The following RAD51B variants were observed in gnomAD, a reference collection of about 807,000 sequenced individuals.
RAD51B encodes DNA repair protein RAD51 homolog 2.
RAD51B carries 38 observed loss-of-function variants against 42.2 expected under a neutral mutation model. That is an observed-to-expected ratio of 0.90 (90% confidence interval 0.70 to 1.18). The LOEUF (loss-of-function observed/expected upper bound fraction) is 1.18. Among genes scored for constraint, RAD51B ranks in the 50% most tolerant of loss-of-function variants. The pLI, the probability that RAD51B is intolerant of heterozygous loss-of-function variation, is 0.00. For missense variants in RAD51B, 373 were observed against 400.7 expected, an observed-to-expected ratio of 0.93 and a Z score of 0.59; for synonymous variants, 154 against 145.2, an observed-to-expected ratio of 1.06 and a Z score of -0.43.
At chr14:68,428,919 C>T (rs1240612616) in intron 9 of RAD51B, among the ~76,000 whole-genome samples, 23 of 149,736 alleles carry the variant, frequency 1.5e-4, no homozygotes, top group South Asian at 2.1e-4. Flanking sequence ...CCCCACCCCA[C>T]GACAGGCCCC....
chr14:68,104,834 G>A (rs193192335), intron 7 of RAD51B, among the ~76,000 whole-genome samples: 1 of 152,264 alleles, frequency 6.6e-6, no homozygotes, highest in East Asian at 1.9e-4. Context: ...GCAGGGTACA[G>A]GTTGGGGCTT....
At chr14:68,574,675 A>G (rs1040614924) in intron 10 of RAD51B, among the ~76,000 whole-genome samples, 1 of 152,242 alleles carries the variant, frequency 6.6e-6, no homozygotes, top group African/African-American at 2.4e-5. Flanking sequence ...GTATTACTGC[A>G]ACAGCCCCGT....
chr14:67,870,958 G>A (rs907750299), intron 5 of RAD51B, among the ~76,000 whole-genome samples: 4 of 148,622 alleles, frequency 2.7e-5, no homozygotes, highest in African/African-American at 1.0e-4. Flanking sequence ...GAAATTTATA[G>A]CACTAAATGC....
intron 9 of RAD51B, among the ~76,000 whole-genome samples, chr14:68,459,155 A>C (rs2085778412): frequency 6.6e-6 from 1 of 152,180 alleles, no homozygotes; most frequent in Non-Finnish European, 1.5e-5. Flanking sequence ...GCCTCATTCC[A>C]GTCACAGATC....
chr14:68,273,748 G>A (rs2081166972), intron 7 of RAD51B, among the ~76,000 whole-genome samples: 1 of 152,024 alleles, frequency 6.6e-6, no homozygotes, highest in Non-Finnish European at 1.5e-5. Flanking sequence ...GTATAGTGGT[G>A]CAATTATAGC....
chr14:68,411,456 C>T lies in RAD51B; in HGVS notation c.886C>T (p.Leu296=). ...TSGSSCVIAA[L]GNTWSHSVNT... is the part of the protein sequence containing the mutation. ...TGGATCCAGCTGTGTGATAGCCGCA[C>T]TAGGAAATACCTGGAGTCACAGTGT... is the stretch of plus-strand genomic sequence containing the variant. Residue 296 remains leucine, a synonymous_variant, in exon 9 of 11, where the codon CTA becomes TTA. Coordinates refer to ENST00000471583, the MANE Select transcript of RAD51B (RefSeq NM_133510.4). The T allele has an allele frequency of 1.9e-6, 3 of 1,614,112 alleles. No individual in the cohort carries two copies. Among genetic ancestry groups the T allele is most frequent in the South Asian group, 1.1e-5 (1 of 91,084 alleles).
chr14:68,455,578 G>A (rs918320227), intron 9 of RAD51B, among the ~76,000 whole-genome samples: 3 of 152,084 alleles, frequency 2.0e-5, no homozygotes, highest in Non-Finnish European at 4.4e-5. Context: ...AAATTAGCCA[G>A]ACGTGGTGGC....
chr14:68,027,444 C>A (rs151154869), intron 7 of RAD51B, among the ~76,000 whole-genome samples: 1 of 152,226 alleles, frequency 6.6e-6, no homozygotes, highest in African/African-American at 2.4e-5. Context: ...AAGTTGCTTA[C>A]TCTCTTTTTT....
chr14:67,918,945 C>T (rs2044239852), intron 7 of RAD51B, among the ~76,000 whole-genome samples: 1 of 152,078 alleles, frequency 6.6e-6, no homozygotes, highest in African/African-American at 2.4e-5. Flanking sequence ...GGCATGAAAT[C>T]TAGGAAAATG....
chr14:68,137,193 A>G (rs1279312543), intron 7 of RAD51B, among the ~76,000 whole-genome samples: 3 of 152,022 alleles, frequency 2.0e-5, no homozygotes, highest in Non-Finnish European at 2.9e-5. Context: ...GGAGAATCAC[A>G]TGAACCCGGG....
chr14:68,263,963 C>T (rs1407372742), intron 7 of RAD51B, among the ~76,000 whole-genome samples: 1 of 152,230 alleles, frequency 6.6e-6, no homozygotes, highest in East Asian at 1.9e-4. Context: ...TGGTGCTTGT[C>T]TTCTAACTGC....
At chr14:68,678,103 A>T (rs1893351168) in intron 11 of RAD51B, among the ~76,000 whole-genome samples, 2 of 152,224 alleles carry the variant, frequency 1.3e-5, no homozygotes, top group African/African-American at 2.4e-5. Context: ...TATGAGACTC[A>T]GAGATAAAAT....
chr14:68,008,672 G>T (rs988677248), intron 7 of RAD51B, among the ~76,000 whole-genome samples: 3 of 151,948 alleles, frequency 2.0e-5, no homozygotes, highest in Non-Finnish European at 4.4e-5. Flanking sequence ...TCTTCCTTTG[G>T]TTTATGAGTT....
At chr14:68,508,760 G>T (rs1039236884) in intron 10 of RAD51B, among the ~76,000 whole-genome samples, 3 of 152,178 alleles carry the variant, frequency 2.0e-5, no homozygotes, top group African/African-American at 7.2e-5. Flanking sequence ...TGGCTTCCCC[G>T]CCTGTCCCCA....
intron 7 of RAD51B, among the ~76,000 whole-genome samples, chr14:67,963,498 A>G (rs2074710408): frequency 6.6e-6 from 1 of 152,170 alleles, no homozygotes; most frequent in African/African-American, 2.4e-5. Context: ...ATGAATAAAT[A>G]CTTACGCAGT....
rs547573879 is a variant in RAD51B at position 67,879,473 on chromosome 14, C to T, written c.453-6396C>T. Among the ~76,000 whole-genome samples, 10 of 151,954 alleles carry T rather than the reference C, an allele frequency of 6.6e-5. No individual in the cohort carries two copies. The East Asian group carries it at 1.2e-3, about 18-fold the overall frequency. On this transcript the variant is annotated intron_variant, in intron 5 of 10. Coordinates refer to ENST00000471583, the MANE Select transcript of RAD51B (RefSeq NM_133510.4). ...GTTTTTTTTTTAAGAGACAGGGCCT[C>T]GCTCTGTCACCCAGGCTGGAGTGCA...
intron 7 of RAD51B, among the ~76,000 whole-genome samples, chr14:68,163,522 C>T (rs2078688362): frequency 6.6e-6 from 1 of 152,180 alleles, no homozygotes; most frequent in South Asian, 2.1e-4. Context: ...ACTTCTTTAC[C>T]TAATCTCAGG....
At chr14:68,071,136 G>A (rs549437073) in intron 7 of RAD51B, among the ~76,000 whole-genome samples, 4 of 152,152 alleles carry the variant, frequency 2.6e-5, no homozygotes, top group Non-Finnish European at 4.4e-5. Context: ...AAACTTTGCC[G>A]AAGTTATTTA....
intron 4 of RAD51B, chr14:67,857,854 A>C (rs2042046438): frequency 6.6e-6 from 1 of 152,566 alleles, no homozygotes; most frequent in Non-Finnish European, 1.5e-5. Flanking sequence ...TGGCTGTTCC[A>C]GGCACTTGCA....
Sources: allele counts gnomAD v4.1 joint callset (sites outside exome capture counted in the v4.1 genomes callset), GRCh38; gene constraint gnomAD v4.1.1; transcripts MANE v1.5; gene names NCBI Gene and HGNC (gene_info 2026-07-23, HGNC 2026-07-21).